Variants in ADAM28 observed in about 807,000 individuals in gnomAD.
ADAM28 encodes the protein disintegrin and metalloproteinase domain-containing protein 28.
In ADAM28, 105 loss-of-function variants were observed where a neutral mutation model predicts 101.2. The ratio of observed to expected loss-of-function variants is 1.04; its 90% CI spans 0.89 to 1.22. The LOEUF (loss-of-function observed/expected upper bound fraction) is 1.22, where lower values mean the gene tolerates loss of function less well. Ranked by LOEUF, ADAM28 falls within the 50% of genes most tolerant of loss-of-function variation. The pLI is 0.00. For missense variants in ADAM28, 1,028 were observed against 945.4 expected, an observed-to-expected ratio of 1.09 and a Z score of -1.15; for synonymous variants, 322 against 310.6, an observed-to-expected ratio of 1.04 and a Z score of -0.39.
At chr8:24,342,058 AG>A (rs1473119394) in intron 16 of ADAM28, among the ~76,000 whole-genome samples, 1 of 152,238 alleles carries the variant, frequency 6.6e-6, no homozygotes, top group Non-Finnish European at 1.5e-5. Context: ...GATAACACAC[AG>A]TAGCATCCGT....
chr8:24,342,687 AAGACATTG>A (rs1485176238), intron 16 of ADAM28, among the ~76,000 whole-genome samples: 1 of 152,074 alleles, frequency 6.6e-6, no homozygotes, highest in African/African-American at 2.4e-5. Context: ...GAAGCCTTTA[AAGACATTG>A]AGACATTATC....
intron 9 of ADAM28, among the ~76,000 whole-genome samples, chr8:24,325,731 ACT>A (rs541846885): frequency 4.1e-4 from 62 of 151,682 alleles, no homozygotes; most frequent in Non-Finnish European, 7.2e-4. Context: ...CAGAATTAAA[ACT>A]CTCTATTTTT....
chr8:24,354,037 G>A (rs1189698052), intron 22 of ADAM28, among the ~76,000 whole-genome samples: 3 of 152,020 alleles, frequency 2.0e-5, no homozygotes, highest in Non-Finnish European at 4.4e-5. Context: ...AGAAAGCTAT[G>A]TAGACACCAA....
At chr8:24,344,370 T>C (rs1815161641) in intron 18 of ADAM28, among the ~76,000 whole-genome samples, 2 of 152,146 alleles carry the variant, frequency 1.3e-5, no homozygotes, top group South Asian at 4.1e-4. Context: ...AGAGGAAGCC[T>C]CTGTCCTCCT....
chr8:24,341,641 A>T lies in ADAM28; in HGVS notation c.1714A>T (p.Asn572Tyr), dbSNP rs551643385. The T allele has an allele frequency of 6.2e-7, 1 of 1,613,898 alleles. No individual in the cohort carries two copies. The highest frequency in any genetic ancestry group is 1.7e-5 in the Admixed American group (1 of 60,010). The change falls in exon 16 of 23, where the codon AAT becomes TAT. Residue 572 changes from asparagine to tyrosine, a missense_variant. By Grantham distance (143) the Asn-to-Tyr change is moderately radical. Coordinates refer to ENST00000265769, the MANE Select transcript of ADAM28 (RefSeq NM_014265.6). ...GTTGTTCTGTCAAGGTGGGTCGGAT[A>T]ATTTGCCCTGGAAAGGACGGATAGT... is the stretch of plus-strand genomic sequence containing the variant. ...GKLFCQGGSD[N>Y]LPWKGRIVTF...
chr8:24,315,128 T>C (rs1382474292), intron 6 of ADAM28, among the ~76,000 whole-genome samples: 7 of 151,784 alleles, frequency 4.6e-5, no homozygotes, highest in African/African-American at 1.7e-4. Context: ...AATCAAAAGA[T>C]AAAGAGTGGC....
intron 6 of ADAM28, among the ~76,000 whole-genome samples, chr8:24,318,036 G>A (rs563080559): frequency 5.8e-4 from 88 of 152,148 alleles, no homozygotes; most frequent in African/African-American, 2.0e-3. Flanking sequence ...GGTTGGAGAG[G>A]ATTTATAGAC....
At chr8:24,308,437 C>T (rs1168710435) in intron 2 of ADAM28, among the ~76,000 whole-genome samples, 1 of 152,144 alleles carries the variant, frequency 6.6e-6, no homozygotes, top group Non-Finnish European at 1.5e-5. Flanking sequence ...CTAAAACAAC[C>T]TTCAGCTAAA....
In ADAM28 at chr8:24,352,033, A is replaced by G; in HGVS notation, c.2225A>G (p.Asn742Ser). ...PHVYDLPVEGNEPPASFHKDT... is the reference protein window; with the variant it reads ...PHVYDLPVEGSEPPASFHKDT... ...GTGTATGATCTGCCAGTAGAAGGCA[A>G]TGAGCCCCCAGCCTCTTTTGTGAGT... Residue 742 changes from asparagine (N) to serine (S), a missense_variant, in exon 21 of 23, where the codon AAT becomes AGT. Physicochemically the swap from Asn to Ser is conservative, Grantham distance 46. Coordinates refer to ENST00000265769, the MANE Select transcript of ADAM28 (RefSeq NM_014265.6). The G allele has an allele frequency of 2.5e-6, 4 of 1,613,786 alleles. No individual in the cohort carries two copies. Among genetic ancestry groups the G allele is most frequent in the Non-Finnish European group, 3.4e-6 (4 of 1,179,764 alleles).
At chr8:24,302,931 C>T (rs1415036825) in intron 2 of ADAM28, among the ~76,000 whole-genome samples, 2 of 125,070 alleles carry the variant, frequency 1.6e-5, no homozygotes, top group African/African-American at 5.9e-5. Context: ...CCCCCCTCCC[C>T]ACAACAAGCC....
Position 24,356,616 on chromosome 8 carries a change from A to G in ADAM28, c.*2212A>G, listed in dbSNP as rs927256069. The G allele has an allele frequency of 6.6e-6, 1 of 152,132 alleles. No individual in the cohort carries two copies. Among genetic ancestry groups the G allele is most frequent in the Non-Finnish European group, 1.5e-5 (1 of 68,008 alleles). 9.4% of individuals were successfully genotyped at this position (152,132 alleles called of 1,614,324 possible). On this transcript the variant is annotated 3_prime_UTR_variant, in exon 23 of 23. Coordinates refer to ENST00000265769, the MANE Select transcript of ADAM28 (RefSeq NM_014265.6). ...TCAACTGCAGAATAGTTTAGAACAG[A>G]CTTTTTGATTTCACAATACTGTTTC... is the stretch of plus-strand genomic sequence containing the variant.
intron 2 of ADAM28, chr8:24,308,764 G>GCAAAGTA: frequency 2.2e-6 from 1 of 454,362 alleles, no homozygotes. Flanking sequence ...GAGGATTTAA[G>GCAAAGTA]CAAAGTATGG....
rs762499572 is a variant in ADAM28, at chr8:24,354,593, C to T, written c.*189C>T. 2.1e-6 allele frequency: 1 copy of T among 485,762 alleles called. No individual in the cohort carries two copies. Among genetic ancestry groups the T allele is most frequent in the Admixed American group, 4.4e-5 (1 of 22,590 alleles). 30.1% of individuals were successfully genotyped at this position (485,762 alleles called of 1,614,324 possible). ...TTCAAGAGGAACATATGCCTGAGAA[C>T]CTTTGCATGAATTTAAAATTTCAAT... On this transcript the variant is annotated 3_prime_UTR_variant, in exon 23 of 23. Transcript: ENST00000265769.
intron 6 of ADAM28, 106 bp downstream of exon 6, chr8:24,313,686 G>A: frequency 8.8e-7 from 1 of 1,142,706 alleles, no homozygotes; most frequent in Non-Finnish European, 1.2e-6. Context: ...AAATTAGTAA[G>A]TTATAGAGAC....
intron 19 of ADAM28, 151 bp downstream of exon 19, chr8:24,350,123 G>A (rs995103391): frequency 6.3e-6 from 4 of 639,096 alleles, no homozygotes; most frequent in African/African-American, 5.5e-5. Context: ...CGAGAAACTG[G>A]GTTTCCCTTT....
intron 14 of ADAM28, among the ~76,000 whole-genome samples, chr8:24,337,455 C>T (rs536800360): frequency 6.6e-6 from 1 of 152,186 alleles, no homozygotes; most frequent in African/African-American, 2.4e-5. Context: ...GATTAGTCTC[C>T]TCGGCAAATC....
At chr8:24,338,384 G>A (rs1029481805) in intron 14 of ADAM28, among the ~76,000 whole-genome samples, 13 of 152,138 alleles carry the variant, frequency 8.5e-5, no homozygotes, top group Non-Finnish European at 1.9e-4. Context: ...TGCAATATCA[G>A]CAGCAATAAC....
At chr8:24,304,476 G>A (rs895557125) in intron 2 of ADAM28, among the ~76,000 whole-genome samples, 1 of 151,960 alleles carries the variant, frequency 6.6e-6, no homozygotes, top group Non-Finnish European at 1.5e-5. Context: ...TACGTTTCTT[G>A]TCTTAAAGTG....
chr8:24,341,238 C>T, intron 15 of ADAM28: 1 of 174,828 alleles, frequency 5.7e-6, no homozygotes, highest in Non-Finnish European at 1.2e-5. Flanking sequence ...GCTTCTCTAG[C>T]TATCATACTC....
Sources: gnomAD v4.1 joint callset for allele counts (sites outside exome capture counted in the v4.1 genomes callset) on GRCh38, gnomAD v4.1.1 for gene constraint, MANE v1.5 for transcripts, NCBI Gene and HGNC (gene_info 2026-07-23, HGNC 2026-07-21) for gene names.